YEATS2: variants seen among roughly 807,000 people sequenced by gnomAD.
The protein encoded by YEATS2 is YEATS domain-containing protein 2.
A neutral mutation model predicts 163.2 loss-of-function variants in YEATS2; 77 were observed. The observed-to-expected ratio is 0.47, with a 90% CI of 0.39 to 0.57. YEATS2 has a LOEUF of 0.57. YEATS2 is among the 20% of genes least tolerant of loss of function. YEATS2 has a pLI of 0.00. For missense variants in YEATS2, 1,549 were observed against 1,729.8 expected (o/e 0.90, Z 1.85); for synonymous variants, 631 against 645.1 (o/e 0.98, Z 0.33).
At chr3:183,712,229 G>GTTATGTTATGTTATGTTATGTTAC (rs1715347256) in intron 1 of YEATS2, among the ~76,000 whole-genome samples, 1 of 63,798 alleles carries the variant, frequency 1.6e-5, no homozygotes, top group African/African-American at 7.2e-5. Flanking sequence ...TTTATTTTTT[G>GTTATGTTATGTTATGTTATGTTAC]AGACAGAGTC....
intron 19 of YEATS2, among the ~76,000 whole-genome samples, chr3:183,779,248 T>G (rs1053305657): frequency 6.6e-6 from 1 of 152,208 alleles, no homozygotes; most frequent in African/African-American, 2.4e-5. Flanking sequence ...TGTCCTCTTT[T>G]TATTGATCAG....
intron 17 of YEATS2, among the ~76,000 whole-genome samples, chr3:183,775,432 CT>C (rs142405793): frequency 0.025 from 3,736 of 152,238 alleles, 152 homozygotes; most frequent in African/African-American, 0.086. Context: ...CCCCTCTCTA[CT>C]AAAAATACAA....
chr3:183,716,011 G>C (rs1169047482), intron 2 of YEATS2, among the ~76,000 whole-genome samples: 4 of 152,074 alleles, frequency 2.6e-5, no homozygotes, highest in African/African-American at 7.2e-5. Flanking sequence ...CCAGGCTGGA[G>C]TGCAGTGGCG....
At chr3:183,809,018 T>G in intron 29 of YEATS2, 79 bp from the exon 30 acceptor site, 1 of 1,464,534 alleles carries the variant, frequency 6.8e-7, no homozygotes, top group Non-Finnish European at 9.5e-7. Context: ...ACATTTGGGG[T>G]AAGGGATGGG....
chr3:183,754,813 C>A (rs1413649890), intron 11 of YEATS2, among the ~76,000 whole-genome samples: 1 of 152,188 alleles, frequency 6.6e-6, no homozygotes, highest in African/African-American at 2.4e-5. Flanking sequence ...GAAAATTATT[C>A]ATTCCTATTG....
At chr3:183,788,122 A>G (rs1398276285) in intron 20 of YEATS2, among the ~76,000 whole-genome samples, 4 of 152,200 alleles carry the variant, frequency 2.6e-5, no homozygotes, top group African/African-American at 4.8e-5. Flanking sequence ...TAATTGGGGT[A>G]TCTGTCACCC....
chr3:183,775,624 G>A (rs1046517292), intron 17 of YEATS2, among the ~76,000 whole-genome samples: 6 of 152,096 alleles, frequency 3.9e-5, no homozygotes, highest in Non-Finnish European at 7.4e-5. Context: ...AATGTCAGTA[G>A]CAAGCCTTCT....
chr3:183,802,747 TG>T (rs965574668), intron 25 of YEATS2: 1 of 152,536 alleles, frequency 6.6e-6, no homozygotes, highest in Non-Finnish European at 1.5e-5. Flanking sequence ...CTGGTCAACA[TG>T]GTGAAACCCC....
At chr3:183,703,358 A>G (rs528312274) in intron 1 of YEATS2, among the ~76,000 whole-genome samples, 1 of 152,334 alleles carries the variant, frequency 6.6e-6, no homozygotes, top group African/African-American at 2.4e-5. Context: ...AATAATTAGC[A>G]TAGCATTTTT....
At position 183,809,155 on chromosome 3, in the gene YEATS2, C is replaced by G. The variant is rs1726534311; in HGVS notation, c.4145C>G (p.Thr1382Arg). The stretch of plus-strand genomic sequence containing the variant: ...CAGGCTTTGGCAGTTGGATACCAGA[C>G]AGCTTCTCACAACAGGTATTACTAT... ...LRQALAVGYQ[T>R]ASHNRIPKEI... Residue 1382 changes from threonine (T) to arginine (R), a missense_variant, in exon 30 of 31, where the codon ACA (threonine) becomes AGA (arginine). Physicochemically the swap from Thr to Arg is moderately conservative, Grantham distance 71 (BLOSUM62 -1). Coordinates refer to ENST00000305135, the MANE Select transcript of YEATS2 (RefSeq NM_018023.5). 8 of 1,614,136 alleles carry G rather than the reference C, an allele frequency of 5.0e-6. No individual in the cohort carries two copies. The highest frequency in any genetic ancestry group is 6.8e-6 in the Non-Finnish European group (8 of 1,180,000).
chr3:183,771,564 T>C (rs1193349087), intron 15 of YEATS2, among the ~76,000 whole-genome samples: 8 of 143,072 alleles, frequency 5.6e-5, no homozygotes, highest in Admixed American at 2.1e-4. Flanking sequence ...TTTTTTTTTT[T>C]TCTTTTCTTA....
At chr3:183,733,978 T>C (rs1718078986) in intron 7 of YEATS2, among the ~76,000 whole-genome samples, 1 of 152,134 alleles carries the variant, frequency 6.6e-6, no homozygotes, top group Non-Finnish European at 1.5e-5. Context: ...TTGGTGTGTG[T>C]GAAACTGGAG....
chr3:183,726,819 A>G (rs1717150546), intron 6 of YEATS2, among the ~76,000 whole-genome samples: 1 of 152,054 alleles, frequency 6.6e-6, no homozygotes, highest in African/African-American at 2.4e-5. Context: ...TTGTTTTTCC[A>G]AGACGGAGTT....
At chr3:183,800,685 G>A in intron 24 of YEATS2, 117 bp downstream of exon 24, 1 of 765,588 alleles carries the variant, frequency 1.3e-6, no homozygotes, top group South Asian at 1.7e-5. Context: ...GGGAGGAACT[G>A]TCTGTCCCCG....
At chr3:183,698,636 C>T (rs560003019) in intron 1 of YEATS2, among the ~76,000 whole-genome samples, 6 of 152,282 alleles carry the variant, frequency 3.9e-5, no homozygotes, top group Middle Eastern at 3.4e-3. Context: ...AAGAGAAATG[C>T]CATCAGCAAT....
intron 8 of YEATS2, among the ~76,000 whole-genome samples, chr3:183,740,772 C>T (rs548101517): frequency 6.6e-6 from 1 of 152,316 alleles, no homozygotes; most frequent in Admixed American, 6.5e-5. Flanking sequence ...CAGCTAAGAT[C>T]ATTGATGAAG....
chr3:183,698,226 C>T (rs868681734), intron 1 of YEATS2, among the ~76,000 whole-genome samples: 7 of 152,142 alleles, frequency 4.6e-5, no homozygotes, highest in Admixed American at 6.5e-5. Flanking sequence ...TTGGGGGCTT[C>T]CTCTTCAGCG....
chr3:183,772,343 A>G lies in YEATS2; in HGVS notation c.1986A>G (p.Thr662=), dbSNP rs1722560958. The change falls in exon 16 of 31, where the codon ACA becomes ACG. Residue 662 remains threonine, a synonymous_variant. Coordinates refer to ENST00000305135, the MANE Select transcript of YEATS2 (RefSeq NM_018023.5). ...GVPVGSALPS[T]VKQAVAISGG... Reference sequence around the variant, plus strand: ...CAGTTGGGTCTGCTTTACCTTCAACAGTGAAGCAGGCTGTGGCGATCAGTG... The same window carrying G: ...CAGTTGGGTCTGCTTTACCTTCAACGGTGAAGCAGGCTGTGGCGATCAGTG... 6.2e-7 allele frequency: 1 copy of G among 1,614,178 alleles called. No homozygotes were observed. The highest frequency in any genetic ancestry group is 8.5e-7 in the Non-Finnish European group (1 of 1,180,044).
intron 6 of YEATS2, among the ~76,000 whole-genome samples, chr3:183,725,495 T>C (rs899274002): frequency 2.7e-5 from 4 of 146,834 alleles, no homozygotes; most frequent in African/African-American, 7.7e-5. Flanking sequence ...CAGTGCCACA[T>C]GGCTAGGGAG....
Sources: gnomAD v4.1 joint callset for allele counts (sites outside exome capture counted in the v4.1 genomes callset) on GRCh38, gnomAD v4.1.1 for gene constraint, MANE v1.5 for transcripts, NCBI Gene and HGNC (gene_info 2026-07-23, HGNC 2026-07-21) for gene names.